OPCML: variants seen among roughly 807,000 people sequenced by gnomAD.
OPCML encodes opioid binding protein/cell adhesion molecule like.
Under a neutral mutation model 37.8 loss-of-function variants are expected in OPCML, and 13 were observed. That is an observed-to-expected ratio of 0.34 (90% CI 0.22 to 0.55). OPCML has a LOEUF of 0.55. OPCML is among the 20% of genes least tolerant of loss of function. OPCML has a pLI of 0.91. For missense variants in OPCML, 341 were observed against 435.6 expected (o/e 0.78, Z 1.93); for synonymous variants, 176 against 168.8 (o/e 1.04, Z -0.33).
intron 3 of OPCML, among the ~76,000 whole-genome samples, chr11:132,656,743 T>G (rs1181979800): frequency 6.6e-6 from 1 of 152,196 alleles, no homozygotes; most frequent in Non-Finnish European, 1.5e-5. Flanking sequence ...ATAAGAGAAT[T>G]AAAAGGCACT....
chr11:132,954,901 GGGA>G (rs1173433825), intron 1 of OPCML, among the ~76,000 whole-genome samples: 1 of 152,164 alleles, frequency 6.6e-6, no homozygotes, highest in Non-Finnish European at 1.5e-5. Context: ...ACAGAAATCA[GGGA>G]GGAGACCTTT....
chr11:132,698,197 T>C (rs1943670944), intron 2 of OPCML, among the ~76,000 whole-genome samples: 1 of 151,968 alleles, frequency 6.6e-6, no homozygotes, highest in South Asian at 2.1e-4. Context: ...TAGTTCTCTT[T>C]TTAATTTTTT....
chr11:133,260,262 T>C (rs1270600772), intron 1 of OPCML, among the ~76,000 whole-genome samples: 1 of 151,748 alleles, frequency 6.6e-6, no homozygotes, highest in Admixed American at 6.6e-5. Flanking sequence ...GGGGATCCAG[T>C]AGGGCTCTGG....
At position 132,420,226 on chromosome 11, in the gene OPCML, C is replaced by G. The variant is rs1284130647; in HGVS notation, c.984G>C (p.Gly328=). 1.2e-6 allele frequency: 2 copies of G among 1,613,768 alleles called. No individual in the cohort carries two copies. The highest frequency in any genetic ancestry group is 4.5e-5 in the East Asian group (2 of 44,878). Residue 328 remains glycine, a synonymous_variant, in exon 8 of 8, where the codon GGG becomes GGC. Transcript: ENST00000524381. ...SRALACLWLS[G]TLLAHFFIKF ...TGATGAAGAAGTGGGCTAAGAGGGT[C>G]CCTGATAGCCAGAGACAAGCCAGTG...
intron 1 of OPCML, among the ~76,000 whole-genome samples, chr11:132,945,435 A>T (rs1945723809): frequency 6.6e-6 from 1 of 152,128 alleles, no homozygotes; most frequent in Non-Finnish European, 1.5e-5. Context: ...ACAAAAGATT[A>T]AAAAATGGTA....
intron 3 of OPCML, among the ~76,000 whole-genome samples, chr11:132,646,094 G>T (rs1467442657): frequency 6.6e-6 from 1 of 152,022 alleles, no homozygotes; most frequent in Non-Finnish European, 1.5e-5. Context: ...TGGGAGGGGG[G>T]TGAGGGATAA....
At chr11:132,451,619 A>T (rs2096068572) in intron 4 of OPCML, among the ~76,000 whole-genome samples, 1 of 152,104 alleles carries the variant, frequency 6.6e-6, no homozygotes. Context: ...CACTGAGGGG[A>T]TGCCAGGACT....
At chr11:132,663,558 C>T (rs1014594221) in intron 2 of OPCML, among the ~76,000 whole-genome samples, 20 of 152,220 alleles carry the variant, frequency 1.3e-4, no homozygotes, top group African/African-American at 4.8e-4. Flanking sequence ...GTTCACCACA[C>T]TGGCACATTG....
intron 4 of OPCML, among the ~76,000 whole-genome samples, chr11:132,486,418 A>G (rs1565604933): frequency 1.3e-5 from 2 of 152,180 alleles, no homozygotes; most frequent in African/African-American, 4.8e-5. Flanking sequence ...TTGTTAAAAA[A>G]AATGCATTTT....
intron 1 of OPCML, among the ~76,000 whole-genome samples, chr11:133,077,581 A>G (rs1948643762): frequency 1.3e-5 from 2 of 152,344 alleles, no homozygotes; most frequent in South Asian, 4.1e-4. Flanking sequence ...CAAAAAGCAC[A>G]AGGAAAAATG....
chr11:132,619,992 T>G (rs551616524), intron 3 of OPCML, among the ~76,000 whole-genome samples: 1 of 152,210 alleles, frequency 6.6e-6, no homozygotes, highest in Non-Finnish European at 1.5e-5. Context: ...AAAAACTCAG[T>G]GAAATTTTCT....
chr11:133,144,664 CTATACTTG>C (rs2137174976), intron 1 of OPCML, among the ~76,000 whole-genome samples: 1 of 152,322 alleles, frequency 6.6e-6, no homozygotes, highest in East Asian at 1.9e-4. Context: ...GTCTGACTTC[CTATACTTG>C]TATATCCATC....
intron 2 of OPCML, among the ~76,000 whole-genome samples, chr11:132,863,106 C>A (rs1266654464): frequency 6.6e-6 from 1 of 152,114 alleles, no homozygotes; most frequent in Admixed American, 6.5e-5. Context: ...ATGTATCAGA[C>A]CCTTCCTGCC....
At position 132,738,629 on chromosome 11, in the gene OPCML, T is replaced by TACCC. The variant is rs1171599061; in HGVS notation, c.147-81311_147-81310insGGGT. 3.3e-5 allele frequency among the ~76,000 whole-genome samples: 5 copies of TACCC among 152,312 alleles called. No individual in the cohort carries two copies. In the South Asian group the frequency reaches 1.0e-3, roughly 32 times the overall value. On this transcript the variant is annotated intron_variant, in intron 2 of 7. Transcript: ENST00000524381. ...GCTGTGCTCCCTTCTACAGTGTCCA[T>TACCC]GTGAGGAAGCAGCTCCCTGTGGTTC...
intron 1 of OPCML, among the ~76,000 whole-genome samples, chr11:133,387,812 A>T (rs1945088301): frequency 6.6e-6 from 1 of 152,242 alleles, no homozygotes; most frequent in Non-Finnish European, 1.5e-5. Flanking sequence ...AATAAAACTA[A>T]AGATGCAGAG....
chr11:132,553,312 T>C (rs1299601786), intron 3 of OPCML, among the ~76,000 whole-genome samples: 1 of 152,204 alleles, frequency 6.6e-6, no homozygotes, highest in Non-Finnish European at 1.5e-5. Flanking sequence ...TAGAATCATG[T>C]AGGAAATAAA....
intron 1 of OPCML, among the ~76,000 whole-genome samples, chr11:133,514,491 T>G (rs55858766): frequency 0.1 from 15,632 of 152,220 alleles, 1,583 homozygotes; most frequent in African/African-American, 0.27. Context: ...TGCCGTTACT[T>G]AAATCATTGC....
chr11:132,617,937 G>A (rs1290325882), intron 3 of OPCML, among the ~76,000 whole-genome samples: 1 of 152,164 alleles, frequency 6.6e-6, no homozygotes, highest in African/African-American at 2.4e-5. Context: ...ATGAATTTTG[G>A]GTGAACCTAA....
intron 1 of OPCML, among the ~76,000 whole-genome samples, chr11:133,502,141 T>G (rs1054231961): frequency 3.9e-5 from 6 of 152,092 alleles, no homozygotes; most frequent in Non-Finnish European, 7.3e-5. Context: ...CTGGCACAAC[T>G]TTGCCCCGAG....
Sources: allele counts gnomAD v4.1 joint callset (sites outside exome capture counted in the v4.1 genomes callset), GRCh38; gene constraint gnomAD v4.1.1; transcripts MANE v1.5; gene names NCBI Gene and HGNC (gene_info 2026-07-23, HGNC 2026-07-21).